Variants in PDE1A observed in about 807,000 individuals in gnomAD.
PDE1A encodes the protein dual specificity calcium/calmodulin-dependent 3',5'-cyclic nucleotide phosphodiesterase 1A.
In PDE1A, 35 loss-of-function variants were observed where a neutral mutation model predicts 61.7. The observed-to-expected ratio is 0.57, with a 90% CI of 0.43 to 0.75. The LOEUF is 0.75. PDE1A is among the 30% of genes least tolerant of loss of function. PDE1A has a pLI of 0.00. For synonymous variants in PDE1A, 232 were observed against 213.2 expected, an observed-to-expected ratio of 1.09 and a Z score of -0.77; for missense variants, 597 against 630.6, an observed-to-expected ratio of 0.95 and a Z score of 0.57.
At chr2:182,390,025 T>C (rs1701333041) in intron 1 of PDE1A, among the ~76,000 whole-genome samples, 1 of 152,164 alleles carries the variant, frequency 6.6e-6, no homozygotes, top group South Asian at 2.1e-4. Flanking sequence ...CTTTGAGGTT[T>C]TGGGATTCAG....
intron 13 of PDE1A, among the ~76,000 whole-genome samples, chr2:182,178,204 C>T (rs1327981706): frequency 6.6e-6 from 1 of 152,124 alleles, no homozygotes; most frequent in Non-Finnish European, 1.5e-5. Context: ...ATTCAAAAGC[C>T]ACATCCATGC....
chr2:182,558,810 A>C, the PDE1A span, among the ~76,000 whole-genome samples: 1 of 152,328 alleles, frequency 6.6e-6, no homozygotes, highest in Non-Finnish European at 1.5e-5. Context: ...TCTTCCATAA[A>C]AGAAAATGTA....
intron 1 of PDE1A, among the ~76,000 whole-genome samples, chr2:182,409,213 T>C (rs1374442773): frequency 6.6e-6 from 1 of 152,196 alleles, no homozygotes; most frequent in East Asian, 1.9e-4. Flanking sequence ...TTAGCACCTT[T>C]CTCAGTGTCT....
At chr2:182,245,772 C>G (rs1410160637) in intron 2 of PDE1A, among the ~76,000 whole-genome samples, 1 of 152,134 alleles carries the variant, frequency 6.6e-6, no homozygotes, top group African/African-American at 2.4e-5. Flanking sequence ...CTTGATTGCT[C>G]CAAGGTTTGA....
At chr2:182,354,203 C>A (rs1699049581) in intron 1 of PDE1A, among the ~76,000 whole-genome samples, 1 of 152,132 alleles carries the variant, frequency 6.6e-6, no homozygotes, top group Non-Finnish European at 1.5e-5. Context: ...TTTGTCACTG[C>A]AGCATAATCA....
At chr2:182,679,311 GTAGGTGGGACTA>G in the PDE1A span, among the ~76,000 whole-genome samples, 1 of 149,678 alleles carries the variant, frequency 6.7e-6, no homozygotes, top group Non-Finnish European at 1.5e-5. Context: ...AGCCTCCCAA[GTAGGTGGGACTA>G]CAGGCGCCCG....
the PDE1A span, among the ~76,000 whole-genome samples, chr2:182,589,739 A>G: frequency 6.6e-6 from 1 of 152,254 alleles, no homozygotes; most frequent in Non-Finnish European, 1.5e-5. Flanking sequence ...CTACAAATCG[A>G]GAATACTCTC....
At chr2:182,162,238 G>A (rs1268711490) in intron 13 of PDE1A, among the ~76,000 whole-genome samples, 1 of 152,126 alleles carries the variant, frequency 6.6e-6, no homozygotes, top group African/African-American at 2.4e-5. Context: ...TGGATCCCTG[G>A]GTGGCAGGAG....
rs558609499 is a variant in PDE1A, at chr2:182,318,657, A to T, written c.54-54243T>A. Among the ~76,000 whole-genome samples, 3 of 152,272 alleles carry T rather than the reference A, an allele frequency of 2.0e-5. No individual in the cohort carries two copies. The East Asian group carries it at 5.8e-4, about 29-fold the overall frequency. On this transcript the variant is annotated intron_variant, in intron 1 of 13. Coordinates refer to ENST00000351439, the Ensembl canonical transcript of PDE1A. ...GAATAAAAAGAACTTCACCCACAGGACCACAGCTGCTGCCAAATGCTCACT... is the reference window on the plus strand; with the variant it reads ...GAATAAAAAGAACTTCACCCACAGGTCCACAGCTGCTGCCAAATGCTCACT...
intron 1 of PDE1A, among the ~76,000 whole-genome samples, chr2:182,276,740 T>C (rs940986398): frequency 2.0e-5 from 3 of 151,898 alleles, no homozygotes; most frequent in Admixed American, 2.0e-4. Flanking sequence ...TAAACAGAGG[T>C]GCAAGTAGGG....
At chr2:182,173,041 G>T (rs1237237116) in intron 13 of PDE1A, among the ~76,000 whole-genome samples, 2 of 151,974 alleles carry the variant, frequency 1.3e-5, no homozygotes, top group Non-Finnish European at 2.9e-5. Context: ...TAACTACGAA[G>T]GTTCCCATTG....
rs144153686 is a variant in PDE1A, at chr2:182,481,929, T to G, written c.101+40347A>C. Reference sequence around the variant, plus strand: ...CTTGGGTTTGAATCAGCTCAATCCCTTGGCAGCTGAGTGACCAATGTAATT... The same window carrying G: ...CTTGGGTTTGAATCAGCTCAATCCCGTGGCAGCTGAGTGACCAATGTAATT... On this transcript the variant is annotated intron_variant, in intron 2 of 14. Transcript: ENST00000410103. Among the ~76,000 whole-genome samples, 914 of 152,054 alleles carry G rather than the reference T, an allele frequency of 6.0e-3. 10 individuals are homozygous for G. Among genetic ancestry groups the G allele is most frequent in the African/African-American group, 0.021 (876 of 41,520 alleles).
intron 13 of PDE1A, among the ~76,000 whole-genome samples, chr2:182,184,316 G>C (rs990624835): frequency 1.3e-5 from 2 of 150,296 alleles, no homozygotes; most frequent in African/African-American, 4.9e-5. Flanking sequence ...TCAAAATAAA[G>C]TCTAGAAAAC....
chr2:182,452,552 G>C (rs1685600162), intron 2 of PDE1A, among the ~76,000 whole-genome samples: 2 of 152,044 alleles, frequency 1.3e-5, no homozygotes, highest in African/African-American at 2.4e-5. Flanking sequence ...CCTTGATTCT[G>C]TGATCACCAC....
intron 8 of PDE1A, 44 bp from the exon 9 acceptor site, chr2:182,201,833 T>C (rs368081075): frequency 2.2e-5 from 27 of 1,207,858 alleles, no homozygotes; most frequent in Non-Finnish European, 3.1e-5. Context: ...AGCCATTTAT[T>C]GTTCTGAAGT....
chr2:182,583,410 G>A, the PDE1A span, among the ~76,000 whole-genome samples: 4 of 152,114 alleles, frequency 2.6e-5, no homozygotes, highest in East Asian at 3.9e-4. Context: ...AACTGCAGAC[G>A]TAAGAGCAAA....
At chr2:182,446,912 G>T (rs1461380798) in intron 2 of PDE1A, among the ~76,000 whole-genome samples, 1 of 150,972 alleles carries the variant, frequency 6.6e-6, no homozygotes, top group East Asian at 2.0e-4. Flanking sequence ...ACCACCATAT[G>T]GGATTTCTGT....
chr2:182,563,790 G>A, the PDE1A span, among the ~76,000 whole-genome samples: 1 of 152,172 alleles, frequency 6.6e-6, no homozygotes, highest in Admixed American at 6.5e-5. Context: ...TTGTTGAATT[G>A]ATCCCTTTAC....
chr2:182,186,134 A>G, intron 12 of PDE1A, 55 bp from the exon 13 acceptor site: 1 of 1,568,978 alleles, frequency 6.4e-7, no homozygotes, highest in South Asian at 1.2e-5. Context: ...GGGGTGAACA[A>G]GGAAAACCTG....
Sources: allele counts gnomAD v4.1 joint callset (sites outside exome capture counted in the v4.1 genomes callset), GRCh38; gene constraint gnomAD v4.1.1; transcripts MANE v1.5; gene names NCBI Gene and HGNC (gene_info 2026-07-23, HGNC 2026-07-21).